Variants in PTPRR observed in about 807,000 individuals in gnomAD.
PTPRR encodes the protein protein tyrosine phosphatase receptor type R.
A neutral mutation model predicts 77.2 loss-of-function variants in PTPRR; 38 were observed. That is an observed-to-expected ratio of 0.49 (90% CI 0.38 to 0.65). PTPRR has a LOEUF of 0.65. Among genes scored for constraint, PTPRR ranks in the 30% least tolerant of loss-of-function variants. The pLI, the probability that PTPRR is intolerant of heterozygous loss-of-function variation, is 0.00. For missense variants in PTPRR, 744 were observed against 799.2 expected (o/e 0.93, Z 0.83); for synonymous variants, 299 against 283.1 (o/e 1.06, Z -0.57).
At chr12:70,898,616 G>C (rs1012847006) in intron 1 of PTPRR, among the ~76,000 whole-genome samples, 1 of 149,830 alleles carries the variant, frequency 6.7e-6, no homozygotes, top group African/African-American at 2.4e-5. Flanking sequence ...AGTTGAAACA[G>C]TGCTTAAGAA....
chr12:70,662,348 C>T (rs549915658), intron 11 of PTPRR, 147 bp downstream of exon 11: 157 of 504,762 alleles, frequency 3.1e-4, no homozygotes, highest in African/African-American at 2.9e-3. Context: ...ACAAAAAATA[C>T]ATGAGGGAAT....
chr12:70,696,720 A>G (rs1225377055), intron 8 of PTPRR, among the ~76,000 whole-genome samples: 1 of 152,158 alleles, frequency 6.6e-6, no homozygotes, highest in Non-Finnish European at 1.5e-5. Flanking sequence ...TCAATTTTAT[A>G]ACATTCAATT....
At chr12:70,763,063 G>A (rs187493894) in intron 3 of PTPRR, among the ~76,000 whole-genome samples, 1 of 151,534 alleles carries the variant, frequency 6.6e-6, no homozygotes, top group East Asian at 1.9e-4. Flanking sequence ...TGCACAGGTT[G>A]ATGCATATAT....
intron 13 of PTPRR, among the ~76,000 whole-genome samples, chr12:70,649,797 A>G (rs1357844192): frequency 6.6e-6 from 1 of 151,702 alleles, no homozygotes; most frequent in African/African-American, 2.4e-5. Context: ...CTGGTTTTGA[A>G]CTCCTGACCT....
intron 2 of PTPRR, among the ~76,000 whole-genome samples, chr12:70,864,066 G>C (rs562214021): frequency 6.6e-6 from 1 of 152,284 alleles, no homozygotes; most frequent in African/African-American, 2.4e-5. Context: ...GACATCCAAA[G>C]ACAGCCAAGA....
intron 13 of PTPRR, among the ~76,000 whole-genome samples, chr12:70,646,229 C>T (rs969047898): frequency 6.6e-6 from 1 of 152,106 alleles, no homozygotes; most frequent in Non-Finnish European, 1.5e-5. Context: ...TGTGCTTAGC[C>T]GGGGTCAGCT....
intron 5 of PTPRR, among the ~76,000 whole-genome samples, chr12:70,747,953 C>G (rs1032301241): frequency 6.6e-6 from 1 of 151,990 alleles, no homozygotes; most frequent in Non-Finnish European, 1.5e-5. Flanking sequence ...CCTCAGGAAA[C>G]GTTTGGCAGT....
chr12:70,783,536 C>T (rs897310852), intron 2 of PTPRR, among the ~76,000 whole-genome samples: 2 of 152,138 alleles, frequency 1.3e-5, no homozygotes, highest in Non-Finnish European at 2.9e-5. Flanking sequence ...CACCCTCTGT[C>T]TGCTCTGGCT....
At chr12:70,829,371 G>T (rs1892172191) in intron 2 of PTPRR, among the ~76,000 whole-genome samples, 2 of 152,160 alleles carry the variant, frequency 1.3e-5, no homozygotes, top group African/African-American at 4.8e-5. Context: ...TACTGACCCT[G>T]ACCCTGCTTT....
chr12:70,713,419 G>A (rs2136821138), intron 6 of PTPRR, among the ~76,000 whole-genome samples: 1 of 152,224 alleles, frequency 6.6e-6, no homozygotes, highest in South Asian at 2.1e-4. Flanking sequence ...ACCTAGGAAT[G>A]GAATTTCTGG....
intron 2 of PTPRR, among the ~76,000 whole-genome samples, chr12:70,836,398 A>G (rs999172974): frequency 1.3e-5 from 2 of 151,192 alleles, no homozygotes; most frequent in African/African-American, 4.9e-5. Flanking sequence ...TGCATACATT[A>G]CACCTTCTAC....
At chr12:70,747,667 C>T (rs2136932894) in intron 5 of PTPRR, among the ~76,000 whole-genome samples, 1 of 152,268 alleles carries the variant, frequency 6.6e-6, no homozygotes, top group East Asian at 1.9e-4. Context: ...AACATATTTT[C>T]CAATCAGTCA....
chr12:70,872,318 TGAG>T (rs1301623507), intron 2 of PTPRR, among the ~76,000 whole-genome samples: 4 of 152,136 alleles, frequency 2.6e-5, no homozygotes, highest in Non-Finnish European at 5.9e-5. Flanking sequence ...TTCCTGAGTT[TGAG>T]GCCTTGCATA....
intron 10 of PTPRR, among the ~76,000 whole-genome samples, chr12:70,682,559 G>A (rs1887714183): frequency 6.6e-6 from 1 of 151,318 alleles, no homozygotes; most frequent in Non-Finnish European, 1.5e-5. Flanking sequence ...TTTGCATGCT[G>A]TTTCATATTC....
At position 70,729,326 on chromosome 12, in the gene PTPRR, GTCTA is replaced by G. The variant is rs58783163; in HGVS notation, c.1007+16488_1007+16491del. Among the ~76,000 whole-genome samples the G allele has an allele frequency of 3.9e-3, 596 of 151,072 alleles. 7 individuals are homozygous for G. Among genetic ancestry groups the G allele is most frequent in the African/African-American group, 0.012 (500 of 40,938 alleles). On this transcript the variant is annotated intron_variant, in intron 6 of 13. Coordinates refer to ENST00000283228, the MANE Select transcript of PTPRR (RefSeq NM_002849.4). ...AGAGATGATCTATTTGTATCTATCT[GTCTA>G]TCTATCTATCTATCTATCTATCTAT...
rs141232685 is a variant in PTPRR at position 70,849,462 on chromosome 12, T to C, written c.357+43217A>G. On this transcript the variant is annotated intron_variant, in intron 2 of 13. Transcript: ENST00000283228. ...CAAAAATAAGAGTGGAGATTGACAG[T>C]GGATTTTTTCAACTCAACTACCAGT... Among the ~76,000 whole-genome samples the C allele has an allele frequency of 1.0e-3, 158 of 152,316 alleles. 1 individual carries two copies. Among genetic ancestry groups the C allele is most frequent in the African/African-American group, 3.7e-3 (152 of 41,568 alleles).
chr12:70,884,712 CA>C (rs34680812), intron 2 of PTPRR, among the ~76,000 whole-genome samples: 3 of 147,804 alleles, frequency 2.0e-5, no homozygotes, highest in African/African-American at 2.5e-5. Flanking sequence ...CTAAAAAATA[CA>C]AAAAAAAAAT....
chr12:70,653,848 T>C (rs78950171), intron 13 of PTPRR, among the ~76,000 whole-genome samples: 4,718 of 152,290 alleles, frequency 0.031, 98 homozygotes, highest in Non-Finnish European at 0.046. Context: ...AGGCAATCTG[T>C]TTCCAGAGCC....
chr12:70,873,802 A>T (rs908982197), intron 2 of PTPRR, among the ~76,000 whole-genome samples: 1 of 152,070 alleles, frequency 6.6e-6, no homozygotes. Context: ...GAGAAAATAC[A>T]TGTTTCCACA....
Sources: gnomAD v4.1 joint callset for allele counts (sites outside exome capture counted in the v4.1 genomes callset) on GRCh38, gnomAD v4.1.1 for gene constraint, MANE v1.5 for transcripts, NCBI Gene and HGNC (gene_info 2026-07-23, HGNC 2026-07-21) for gene names.